Variants in FAM163B observed in about 807,000 individuals in gnomAD.
FAM163B encodes the protein protein FAM163B.
A neutral mutation model predicts 7.6 loss-of-function variants in FAM163B; 4 were observed. The observed-to-expected ratio is 0.52, with a 90% CI of 0.26 to 1.20. The LOEUF (loss-of-function observed/expected upper bound fraction) is 1.20. FAM163B is among the 50% of genes most tolerant of loss of function. FAM163B has a pLI of 0.14. For synonymous variants in FAM163B, 120 were observed against 111.6 expected, an observed-to-expected ratio of 1.07 and a Z score of -0.47; for missense variants, 250 against 243.0, an observed-to-expected ratio of 1.03 and a Z score of -0.19.
At chr9:133,588,838 G>A (rs142162193) in intron 1 of FAM163B, among the ~76,000 whole-genome samples, 3 of 151,842 alleles carry the variant, frequency 2.0e-5, no homozygotes, top group Non-Finnish European at 4.4e-5. Context: ...GGTCGTGGGC[G>A]CCAAGTTGTT....
At chr9:133,588,337 G>T (rs1169875222) in intron 1 of FAM163B, among the ~76,000 whole-genome samples, 2 of 152,136 alleles carry the variant, frequency 1.3e-5, no homozygotes, top group African/African-American at 4.8e-5. Flanking sequence ...CCTTCTGTCA[G>T]GAAGGCTACC....
At chr9:133,599,167 C>A (rs929291873) in intron 1 of FAM163B, among the ~76,000 whole-genome samples, 1 of 152,198 alleles carries the variant, frequency 6.6e-6, no homozygotes, top group Non-Finnish European at 1.5e-5. Flanking sequence ...AAATGCCTCA[C>A]CTGCACAGAG....
rs1831305810 is a variant in FAM163B, at chr9:133,579,133, GTCC to G, written c.387_389del (p.Glu129del). 1 of 1,609,160 alleles carries G rather than the reference GTCC, an allele frequency of 6.2e-7. No individual in the cohort carries two copies. Among genetic ancestry groups the G allele is most frequent in the Non-Finnish European group, 8.5e-7 (1 of 1,179,710 alleles). On this transcript the variant is annotated inframe_deletion, in exon 3 of 3. Transcript: ENST00000673969. ...CGAAGCCCCCCGGGGGCAGCTCCAC[GTCC>G]TCCTGGCTCACGCTCTTGTAGAGCA... is the stretch of plus-strand genomic sequence containing the variant.
At chr9:133,604,000 C>A (rs780041590) in intron 1 of FAM163B, among the ~76,000 whole-genome samples, 1 of 152,108 alleles carries the variant, frequency 6.6e-6, no homozygotes, top group Admixed American at 6.5e-5. Flanking sequence ...CCACCACGCC[C>A]GGCTCTCTTT....
chr9:133,578,837 G>A lies in FAM163B; in HGVS notation c.*185C>T, dbSNP rs369228987. On this transcript the variant is annotated 3_prime_UTR_variant, in exon 3 of 3. Coordinates refer to ENST00000673969, the MANE Select transcript of FAM163B (RefSeq NM_001080515.3). Reference sequence around the variant, plus strand: ...GTGCCTCCCCCCAGGACACATTTGTGTTCAATGAGCCTTATCCCTGCCACG... The same window carrying A: ...GTGCCTCCCCCCAGGACACATTTGTATTCAATGAGCCTTATCCCTGCCACG... 2.7e-4 allele frequency: 321 copies of A among 1,169,906 alleles called. No homozygotes were observed. In the African/African-American group the frequency reaches 3.7e-3, roughly 13 times the overall value. The allele number at this position is 1,169,906 out of a possible 1,614,324, so 72.5% of individuals were successfully genotyped here.
intron 1 of FAM163B, among the ~76,000 whole-genome samples, chr9:133,603,156 A>G (rs1000315124): frequency 2.0e-5 from 3 of 152,258 alleles, no homozygotes; most frequent in Non-Finnish European, 4.4e-5. Context: ...GCCAACGCCA[A>G]CTGGAGGACT....
chr9:133,585,224 G>T (rs1054923193), intron 1 of FAM163B, among the ~76,000 whole-genome samples: 12 of 152,200 alleles, frequency 7.9e-5, no homozygotes, highest in African/African-American at 2.9e-4. Flanking sequence ...CGTGGAGCTG[G>T]GGGTGGGGCA....
In FAM163B at chr9:133,591,609, C is replaced by T. The variant is rs987597106; in HGVS notation, c.-23-11363G>A. On this transcript the variant is annotated intron_variant, in intron 1 of 2. Transcript: ENST00000673969. ...GAATGCACTGAAACCTGGCTGCGGGCGCTACCCTGCAGCTTCGGACTCAGG... is the reference window on the plus strand; with the variant it reads ...GAATGCACTGAAACCTGGCTGCGGGTGCTACCCTGCAGCTTCGGACTCAGG... Among the ~76,000 whole-genome samples, 4 of 152,318 alleles carry T rather than the reference C, an allele frequency of 2.6e-5. No individual in the cohort carries two copies. The South Asian group carries it at 6.2e-4, about 24-fold the overall frequency.
chr9:133,585,154 G>GCT (rs1305118739), intron 1 of FAM163B, among the ~76,000 whole-genome samples: 3 of 152,194 alleles, frequency 2.0e-5, no homozygotes, highest in Admixed American at 6.5e-5. Flanking sequence ...GGCAGGGAGA[G>GCT]CCAGCTGCGT....
intron 1 of FAM163B, among the ~76,000 whole-genome samples, chr9:133,598,271 G>C (rs1393306694): frequency 6.6e-6 from 1 of 152,022 alleles, no homozygotes; most frequent in Non-Finnish European, 1.5e-5. Context: ...CCAGTCCCTT[G>C]GGCCCAGGCC....
chr9:133,580,549 G>T (rs1831341388), intron 1 of FAM163B, among the ~76,000 whole-genome samples: 2 of 152,220 alleles, frequency 1.3e-5, no homozygotes, highest in African/African-American at 2.4e-5. Context: ...AGTGTAGCAT[G>T]CTGTCAATGA....
intron 1 of FAM163B, among the ~76,000 whole-genome samples, chr9:133,589,086 T>C (rs1423504289): frequency 6.6e-6 from 1 of 152,136 alleles, no homozygotes; most frequent in East Asian, 1.9e-4. Flanking sequence ...TGCTCAGCAA[T>C]ACCCCCGGAA....
chr9:133,578,503 GGA>G lies in FAM163B; in HGVS notation c.*517_*518del. 1 of 154,482 alleles carries G rather than the reference GGA, an allele frequency of 6.5e-6. No individual in the cohort carries two copies. The highest frequency in any genetic ancestry group is 2.4e-5 in the African/African-American group (1 of 41,616). The allele number at this position is 154,482 out of a possible 1,614,324, so 9.6% of individuals were successfully genotyped here. A position where few individuals can be genotyped will look rare whatever the true frequency, so the allele number is the denominator to read the frequency against. On this transcript the variant is annotated 3_prime_UTR_variant, in exon 3 of 3. Transcript: ENST00000673969. ...TGAGAGAGAGGGAGAGACGGGTAGG[GGA>G]GAGAGAGGGAAAAATGGAGAGAAAG... is the stretch of plus-strand genomic sequence containing the variant.
At position 133,587,487 on chromosome 9, in the gene FAM163B, A is replaced by AGGCCTCCT. The variant is rs993723175; in HGVS notation, c.-23-7249_-23-7242dup. Reference sequence around the variant, plus strand: ...GGGCAGGACAGGGAGTGTCAGGATCAGGCCTCCTGGCCTCCATCATGGGGC... The same window carrying AGGCCTCCT: ...GGGCAGGACAGGGAGTGTCAGGATCAGGCCTCCTGGCCTCCTGGCCTCCATCATGGGGC... On this transcript the variant is annotated intron_variant, in intron 1 of 2. Transcript: ENST00000673969. Among the ~76,000 whole-genome samples the AGGCCTCCT allele has an allele frequency of 7.9e-3, 1,199 of 152,302 alleles. 14 individuals are homozygous for AGGCCTCCT. Among genetic ancestry groups the AGGCCTCCT allele is most frequent in the African/African-American group, 0.027 (1,119 of 41,584 alleles).
chr9:133,589,678 C>T (rs1007005636), intron 1 of FAM163B, among the ~76,000 whole-genome samples: 2 of 152,118 alleles, frequency 1.3e-5, no homozygotes, highest in African/African-American at 4.8e-5. Flanking sequence ...CAGTGGGGGC[C>T]GCGGCCCACA....
intron 1 of FAM163B, among the ~76,000 whole-genome samples, chr9:133,604,043 T>C (rs1263850811): frequency 1.3e-5 from 2 of 152,208 alleles, no homozygotes; most frequent in Non-Finnish European, 2.9e-5. Flanking sequence ...GGTTTCACCA[T>C]GTTGGCCAGG....
chr9:133,609,032 T>C (rs1416831817), intron 1 of FAM163B, among the ~76,000 whole-genome samples, 45 bp downstream of exon 1: 2 of 152,324 alleles, frequency 1.3e-5, no homozygotes, highest in African/African-American at 4.8e-5. Context: ...CCAGCCTGCG[T>C]CTTCTGCCCC....
intron 1 of FAM163B, among the ~76,000 whole-genome samples, chr9:133,590,869 G>A (rs1051646188): frequency 6.6e-6 from 1 of 152,242 alleles, no homozygotes; most frequent in African/African-American, 2.4e-5. Context: ...CAGGACATGG[G>A]ACACATGGGG....
At chr9:133,595,906 C>T (rs1215964852) in intron 1 of FAM163B, among the ~76,000 whole-genome samples, 1 of 152,166 alleles carries the variant, frequency 6.6e-6, no homozygotes, top group Non-Finnish European at 1.5e-5. Context: ...TGTCCTGGGC[C>T]CATGGTGGGC....
Sources: allele counts gnomAD v4.1 joint callset (sites outside exome capture counted in the v4.1 genomes callset), GRCh38; gene constraint gnomAD v4.1.1; transcripts MANE v1.5; gene names NCBI Gene and HGNC (gene_info 2026-07-23, HGNC 2026-07-21).